The following USP19 variants were observed in gnomAD, a reference collection of about 807,000 sequenced individuals.
USP19 encodes ubiquitin specific peptidase 19, also known as ubiquitin carboxyl-terminal hydrolase 19.
A neutral mutation model predicts 144.8 loss-of-function variants in USP19; 40 were observed. The ratio of observed to expected loss-of-function variants is 0.28; its 90% CI spans 0.21 to 0.36. The LOEUF (loss-of-function observed/expected upper bound fraction) is 0.36, where lower values mean the gene tolerates loss of function less well. Among genes scored for constraint, USP19 ranks in the 10% least tolerant of loss-of-function variants. USP19 has a pLI of 1.00. For synonymous variants in USP19, 701 were observed against 709.3 expected (o/e 0.99, Z 0.19); for missense variants, 1,518 against 1,822.5 (o/e 0.83, Z 3.04).
In USP19 at chr3:49,118,070, C is replaced by G. The variant is rs376717754; in HGVS notation, c.175G>C (p.Gly59Arg). 1.8e-5 allele frequency: 29 copies of G among 1,577,656 alleles called. No individual in the cohort carries two copies. The highest frequency in any genetic ancestry group is 2.5e-5 in the Non-Finnish European group (29 of 1,163,796). Residue 59 changes from glycine to arginine, a missense_variant, in exon 3 of 27, where the codon GGT (glycine) becomes CGT (arginine). Coordinates refer to ENST00000417901, the MANE Select transcript of USP19 (RefSeq NM_001199161.2). ...TGGGAGGCTGAGGCAGAAGGATCACCTGAGGCCAGAGGTTCAAGACCAGCC... is the reference window on the plus strand; with the variant it reads ...TGGGAGGCTGAGGCAGAAGGATCACGTGAGGCCAGAGGTTCAAGACCAGCC... ...AQAGLEPLAS[G>R]DPSASASHAA...
chr3:49,112,751 C>T lies in USP19; in HGVS notation c.2506-122G>A. 2 of 1,361,776 alleles carry T rather than the reference C, an allele frequency of 1.5e-6. No individual in the cohort carries two copies. The highest frequency in any genetic ancestry group is 2.0e-6 in the Non-Finnish European group (2 of 1,017,208). 84.4% of individuals were successfully genotyped at this position (1,361,776 alleles called of 1,614,324 possible). ...GTGGGCAGTGGTGAGGTCTGTAGGC[C>T]CAAATAGGCTTATGCCTCTGCTGGC... On this transcript the variant is annotated intron_variant, in intron 17 of 26. Transcript: ENST00000417901. The surrounding 1 kb of genome is among the most constrained non-coding windows in gnomAD (Gnocchi z 4.9).
chr3:49,118,157 G>A (rs1310145217), intron 2 of USP19, 37 bp from the exon 3 acceptor site: 7 of 829,900 alleles, frequency 8.4e-6, no homozygotes, highest in African/African-American at 3.5e-5. Context: ...CAAGCATGGT[G>A]AGGAGGCTGA....
Position 49,117,912 on chromosome 3 carries a change from C to T in USP19, c.298+35G>A. ...AGCCAAATTGCAAGTGCCCCCTCCC[C>T]TTCCCTAGCAACAAAAAGCCCATTC... On this transcript the variant is annotated intron_variant, in intron 3 of 26. Coordinates refer to ENST00000417901, the MANE Select transcript of USP19 (RefSeq NM_001199161.2). The surrounding 1 kb of genome is among the most constrained non-coding windows in gnomAD (Gnocchi z 4.4). 4.3e-6 allele frequency: 7 copies of T among 1,613,218 alleles called. No homozygotes were observed. Among genetic ancestry groups the T allele is most frequent in the Non-Finnish European group, 5.9e-6 (7 of 1,179,808 alleles).
Position 49,114,314 on chromosome 3 carries a change from T to G in USP19, c.2293-30A>C, listed in dbSNP as rs1249501070. ...GGATGTAGAGGTGGCACTGGGTAGC[T>G]GCACACAGAGTGGGAGATAAGATGC... On this transcript the variant is annotated intron_variant, in intron 15 of 26. Transcript: ENST00000417901. This position sits in a 1 kb window ranked among gnomAD's most constrained non-coding sequence, Gnocchi z 4.5. 3 of 1,601,352 alleles carry G rather than the reference T, an allele frequency of 1.9e-6. No homozygotes were observed. Among genetic ancestry groups the G allele is most frequent in the Non-Finnish European group, 2.6e-6 (3 of 1,168,816 alleles).
rs941460470 is a variant in USP19 at position 49,112,942 on chromosome 3, A to C, written c.2506-313T>G. On this transcript the variant is annotated intron_variant, in intron 17 of 26. Transcript: ENST00000417901. The surrounding 1 kb of genome is among the most constrained non-coding windows in gnomAD (Gnocchi z 4.9). ...TGTAACATATTATCATGGAGGGTCC[A>C]CATTCAAAGAGCCTCCTCCCCACTC... Among the ~76,000 whole-genome samples, 26 of 152,230 alleles carry C rather than the reference A, an allele frequency of 1.7e-4. No homozygotes were observed. Among genetic ancestry groups the C allele is most frequent in the African/African-American group, 6.3e-4 (26 of 41,452 alleles).
Position 49,116,489 on chromosome 3 carries a change from A to T in USP19, c.1245T>A (p.Leu415=), listed in dbSNP as rs766408844. The change falls in exon 8 of 27, where the codon CTT becomes CTA. Residue 415 remains leucine (L), a synonymous_variant. Coordinates refer to ENST00000417901, the MANE Select transcript of USP19 (RefSeq NM_001199161.2). The surrounding 1 kb of genome is among the most constrained non-coding windows in gnomAD (Gnocchi z 5.0). ...KEICRDTSRV[L]FREQDFTLIF... is the part of the protein sequence containing the mutation. ...TGAGCGTGAAGTCCTGCTCACGGAA[A>T]AGTACTCTTGAGGTGTCCCTGCAGA... is the stretch of plus-strand genomic sequence containing the variant. 36 of 1,614,094 alleles carry T rather than the reference A, an allele frequency of 2.2e-5. No individual in the cohort carries two copies. The highest frequency in any genetic ancestry group is 3.3e-5 in the Admixed American group (2 of 60,008).
In USP19 at chr3:49,110,034, A is replaced by T; in HGVS notation, c.4038+150T>A. The T allele has an allele frequency of 1.1e-6, 1 of 936,924 alleles. No homozygotes were observed. Among genetic ancestry groups the T allele is most frequent in the Non-Finnish European group, 1.5e-6 (1 of 680,190 alleles). The allele number at this position is 936,924 out of a possible 1,614,324, so 58.0% of individuals were successfully genotyped here. A position where few individuals can be genotyped will look rare whatever the true frequency, so the allele number is the denominator to read the frequency against. On this transcript the variant is annotated intron_variant, in intron 26 of 26. Coordinates refer to ENST00000417901, the MANE Select transcript of USP19 (RefSeq NM_001199161.2). This position sits in a 1 kb window ranked among gnomAD's most constrained non-coding sequence, Gnocchi z 6.1. Reference sequence around the variant, plus strand: ...CCAAGGCATGGGGATGCCTCTGGCTAAAGCTTTGATGTTAAGAGAACTCTG... The same window carrying T: ...CCAAGGCATGGGGATGCCTCTGGCTTAAGCTTTGATGTTAAGAGAACTCTG...
chr3:49,112,895 A>G lies in USP19; in HGVS notation c.2506-266T>C, dbSNP rs561709841. ...ACACTGAGGGACTCTGCCCTGCTAT[A>G]ACTAGCATAGCCTTATAAGACTGTA... On this transcript the variant is annotated intron_variant, in intron 17 of 26. Coordinates refer to ENST00000417901, the MANE Select transcript of USP19 (RefSeq NM_001199161.2). The surrounding 1 kb of genome is among the most constrained non-coding windows in gnomAD (Gnocchi z 4.9). Among the ~76,000 whole-genome samples, 1 of 152,272 alleles carries G rather than the reference A, an allele frequency of 6.6e-6. No individual in the cohort carries two copies. The highest frequency in any genetic ancestry group is 6.5e-5 in the Admixed American group (1 of 15,308).
chr3:49,116,839 A>T lies in USP19; in HGVS notation c.1014T>A (p.Pro338=), dbSNP rs762038505. The change falls in exon 7 of 27, where the codon CCT becomes CCA. Residue 338 remains proline (P), a synonymous_variant. Coordinates refer to ENST00000417901, the MANE Select transcript of USP19 (RefSeq NM_001199161.2). The surrounding 1 kb of genome is among the most constrained non-coding windows in gnomAD (Gnocchi z 5.0). ...LAPLAGEKAV[P]PGNDPVSPAM... is the part of the protein sequence containing the mutation. The stretch of plus-strand genomic sequence containing the variant: ...CTGGAGAGACTGGGTCATTCCCGGG[A>T]GGCACTGCTTTCTCTCCTGCCAAAG... 6.2e-7 allele frequency: 1 copy of T among 1,613,848 alleles called. No homozygotes were observed. The highest frequency in any genetic ancestry group is 1.1e-5 in the South Asian group (1 of 91,072).
Position 49,116,474 on chromosome 3 carries a change from G to C in USP19, c.1260C>G (p.Asp420Glu), listed in dbSNP as rs149048456. 1.2e-6 allele frequency: 2 copies of C among 1,614,244 alleles called. No homozygotes were observed. Among genetic ancestry groups the C allele is most frequent in the Admixed American group, 1.7e-5 (1 of 60,026 alleles). ...DTSRVLFREQ[D>E]FTLIFQTRDG... ...ACCTGGTCTGGAAGATGAGCGTGAA[G>C]TCCTGCTCACGGAAAAGTACTCTTG... Residue 420 changes from aspartate (D) to glutamate (E), a missense_variant, in exon 8 of 27, where the codon GAC becomes GAG. This residue lies in a region of USP19 where 707 missense variants were observed against 728.9 expected (regional missense o/e 0.97). Transcript: ENST00000417901. This position sits in a 1 kb window ranked among gnomAD's most constrained non-coding sequence, Gnocchi z 5.0.
intron 1 of USP19, among the ~76,000 whole-genome samples, 179 bp from the exon 2 acceptor site, chr3:49,119,460 C>G (rs2044767315): frequency 6.6e-6 from 1 of 152,212 alleles, no homozygotes; most frequent in Non-Finnish European, 1.5e-5. Context: ...TAGCAGCAAC[C>G]ACTTCTGGCC....
chr3:49,118,289 C>T (rs963468046), intron 2 of USP19, among the ~76,000 whole-genome samples, 169 bp from the exon 3 acceptor site: 5 of 147,932 alleles, frequency 3.4e-5, no homozygotes, highest in African/African-American at 1.2e-4. Context: ...AAAAAAGGGA[C>T]AGGCACGGTG....
chr3:49,111,431 TA>T lies in USP19; in HGVS notation c.3218-67del, dbSNP rs1267172507. On this transcript the variant is annotated intron_variant, in intron 21 of 26. Transcript: ENST00000417901. The surrounding 1 kb of genome is among the most constrained non-coding windows in gnomAD (Gnocchi z 5.9). ...GGGCCTCACCAGGCCCACCAGGCCC[TA>T]AACAACAGCCCCCTCCATCCTCCCT... The T allele has an allele frequency of 1.2e-6, 2 of 1,613,276 alleles. No homozygotes were observed. The highest frequency in any genetic ancestry group is 2.7e-5 in the African/African-American group (2 of 74,900).
chr3:49,116,716 C>T lies in USP19; in HGVS notation c.1126+11G>A. The T allele has an allele frequency of 6.2e-7, 1 of 1,608,328 alleles. No homozygotes were observed. Among genetic ancestry groups the T allele is most frequent in the South Asian group, 1.1e-5 (1 of 90,304 alleles). On this transcript the variant is annotated intron_variant, in intron 7 of 26. Coordinates refer to ENST00000417901, the MANE Select transcript of USP19 (RefSeq NM_001199161.2). This position sits in a 1 kb window ranked among gnomAD's most constrained non-coding sequence, Gnocchi z 5.0. ...CAACCTAGGGCTCTGCCTGCCCACC[C>T]CCACCTTTACCATCCACCAAGGTTG...
Position 49,110,075 on chromosome 3 carries a change from C to T in USP19, c.4038+109G>A, listed in dbSNP as rs1448295016. 1.8e-5 allele frequency: 23 copies of T among 1,309,412 alleles called. No homozygotes were observed. The highest frequency in any genetic ancestry group is 2.3e-5 in the Non-Finnish European group (23 of 996,794). 81.1% of individuals were successfully genotyped at this position (1,309,412 alleles called of 1,614,324 possible). ...GAGAACTCTGCAATTCTCATGAATC[C>T]CAAGGCTCAATGGGCCTGTGGCTGG... On this transcript the variant is annotated intron_variant, in intron 26 of 26. Transcript: ENST00000417901. This position sits in a 1 kb window ranked among gnomAD's most constrained non-coding sequence, Gnocchi z 6.1.
rs764562258 is a variant in USP19, at chr3:49,110,682, A to G, written c.3698+29T>C. ...ATGCCCATCCTGGTCCTCACACCCC[A>G]CCCACAGTTACCAAGGTCCACTGCT... On this transcript the variant is annotated intron_variant, in intron 24 of 26. Coordinates refer to ENST00000417901, the MANE Select transcript of USP19 (RefSeq NM_001199161.2). This position sits in a 1 kb window ranked among gnomAD's most constrained non-coding sequence, Gnocchi z 6.1. The G allele has an allele frequency of 6.8e-6, 11 of 1,612,284 alleles. No homozygotes were observed. Among genetic ancestry groups the G allele is most frequent in the Admixed American group, 3.3e-5 (2 of 59,960 alleles).
intron 2 of USP19, 116 bp downstream of exon 2, chr3:49,118,906 A>C: frequency 2.0e-6 from 3 of 1,486,476 alleles, no homozygotes; most frequent in Non-Finnish European, 2.7e-6. Flanking sequence ...TTCTTCTCTC[A>C]TCATCAAACC....
chr3:49,110,383 T>C lies in USP19; in HGVS notation c.3860-21A>G, dbSNP rs1014776816. On this transcript the variant is annotated intron_variant, in intron 25 of 26. Transcript: ENST00000417901. This position sits in a 1 kb window ranked among gnomAD's most constrained non-coding sequence, Gnocchi z 6.1. ...CCAGCCTACAGCAGGGTGGGAAGAG[T>C]GTGAACAAAGTCTGCACCACCACCC... 3.1e-6 allele frequency: 5 copies of C among 1,598,244 alleles called. No individual in the cohort carries two copies. The African/African-American group carries it at 5.4e-5, about 17-fold the overall frequency.
rs1187066380 is a variant in USP19, at chr3:49,110,855, G to A, written c.3554C>T (p.Pro1185Leu). The change falls in exon 24 of 27, where the codon CCA becomes CTA. Residue 1185 changes from proline to leucine, a missense_variant. Physicochemically the swap from Pro to Leu is moderately conservative, Grantham distance 98 (BLOSUM62 -3). Transcript: ENST00000417901. The surrounding 1 kb of genome is among the most constrained non-coding windows in gnomAD (Gnocchi z 6.1). Reference sequence around the variant, plus strand: ...GGCCTCACGGTGCTGTTTGCACTGTGGGCAGTACCTGGTGGGGACAGAGAT... The same window carrying A: ...GGCCTCACGGTGCTGTTTGCACTGTAGGCAGTACCTGGTGGGGACAGAGAT... ...VLAPEEAWYCPQCKQHREASK... is the reference protein window; with the variant it reads ...VLAPEEAWYCLQCKQHREASK... 1.2e-6 allele frequency: 2 copies of A among 1,614,174 alleles called. No homozygotes were observed. Among genetic ancestry groups the A allele is most frequent in the East Asian group, 2.2e-5 (1 of 44,880 alleles).
Sources: gnomAD v4.1 joint callset for allele counts (sites outside exome capture counted in the v4.1 genomes callset) on GRCh38, gnomAD v4.1.1 for gene constraint, gnomAD v4.1.1 regional missense constraint, Gnocchi (gnomAD v3.1) non-coding constraint, MANE v1.5 for transcripts, NCBI Gene and HGNC (gene_info 2026-07-23, HGNC 2026-07-21) for gene names.